The following LYPD6B variants were observed in gnomAD, a reference collection of about 807,000 sequenced individuals.
LYPD6B encodes the protein ly6/PLAUR domain-containing protein 6B.
Under a neutral mutation model 22.8 loss-of-function variants are expected in LYPD6B, and 17 were observed. The ratio of observed to expected loss-of-function variants is 0.75; its 90% CI spans 0.51 to 1.12. The LOEUF (loss-of-function observed/expected upper bound fraction) is 1.12. Among genes scored for constraint, LYPD6B ranks in the 50% most tolerant of loss-of-function variants. LYPD6B has a pLI of 0.00. For missense variants in LYPD6B, 221 were observed against 258.3 expected, an observed-to-expected ratio of 0.86 and a Z score of 0.99; for synonymous variants, 106 against 91.6, an observed-to-expected ratio of 1.16 and a Z score of -0.90.
At position 149,128,006 on chromosome 2, in the gene LYPD6B, A is replaced by T. The variant is rs527792036; in HGVS notation, c.-66-2877A>T. On this transcript the variant is annotated intron_variant, in intron 1 of 6. Coordinates refer to ENST00000409642, the MANE Select transcript of LYPD6B (RefSeq NM_177964.5). ...TAGGTAAATGATGATTTTTTTTTTT[A>T]AAAAAGAAACAAATTAGACCCCATA... Among the ~76,000 whole-genome samples the T allele has an allele frequency of 3.8e-3, 572 of 151,616 alleles. 3 individuals are homozygous for T. The highest frequency in any genetic ancestry group is 0.012 in the African/African-American group (506 of 41,376).
intron 1 of LYPD6B, among the ~76,000 whole-genome samples, chr2:149,099,791 A>C (rs1427111184): frequency 6.6e-6 from 1 of 152,202 alleles, no homozygotes; most frequent in Admixed American, 6.5e-5. Flanking sequence ...TAGAACTAGC[A>C]CTTAAGGTGA....
chr2:149,133,841 A>G lies in LYPD6B; in HGVS notation c.5+2888A>G, dbSNP rs563040524. On this transcript the variant is annotated intron_variant, in intron 2 of 6. Coordinates refer to ENST00000409642, the MANE Select transcript of LYPD6B (RefSeq NM_177964.5). ...GAAATAAAGAAAATCCATTTAGCAA[A>G]TATTTATTGAATGCCTTCTTGGTGC... 7.2e-5 allele frequency among the ~76,000 whole-genome samples: 11 copies of G among 152,314 alleles called. No homozygotes were observed. In the East Asian group the frequency reaches 1.9e-3, roughly 27 times the overall value.
chr2:149,077,771 G>T (rs565334380), intron 1 of LYPD6B, among the ~76,000 whole-genome samples: 29 of 152,280 alleles, frequency 1.9e-4, no homozygotes, highest in Non-Finnish European at 3.2e-4. Context: ...GAAGTGCTGG[G>T]CATCTTTTTA....
chr2:149,121,950 A>G (rs11888103), intron 1 of LYPD6B, among the ~76,000 whole-genome samples: 15,886 of 152,226 alleles, frequency 0.1, 2,357 homozygotes, highest in African/African-American at 0.31. Flanking sequence ...AGCAAGGCCA[A>G]TAATGGATCC....
At chr2:149,125,376 T>G (rs575795191) in intron 1 of LYPD6B, among the ~76,000 whole-genome samples, 2 of 151,822 alleles carry the variant, frequency 1.3e-5, no homozygotes, top group African/African-American at 2.4e-5. Context: ...TCCTGGAGGG[T>G]TTTTCTTTGC....
chr2:149,097,772 A>G (rs1284954772), intron 1 of LYPD6B, among the ~76,000 whole-genome samples: 3 of 152,230 alleles, frequency 2.0e-5, no homozygotes, highest in Admixed American at 2.0e-4. Flanking sequence ...AAAATCTTAA[A>G]TACATTCAAT....
intron 1 of LYPD6B, among the ~76,000 whole-genome samples, chr2:149,093,370 G>C (rs1685757534): frequency 3.9e-5 from 6 of 152,108 alleles, no homozygotes; most frequent in Admixed American, 1.3e-4. Flanking sequence ...AATAGGCCCT[G>C]GTCTAAAGGG....
chr2:149,092,420 T>A (rs1279543512), intron 1 of LYPD6B, among the ~76,000 whole-genome samples: 1 of 152,174 alleles, frequency 6.6e-6, no homozygotes, highest in African/African-American at 2.4e-5. Context: ...GACTAGGCGA[T>A]CTTTATAAAA....
chr2:149,201,471 T>G (rs1170448260), intron 3 of LYPD6B, among the ~76,000 whole-genome samples: 1 of 152,222 alleles, frequency 6.6e-6, no homozygotes, highest in Non-Finnish European at 1.5e-5. Flanking sequence ...AATTTTTAGT[T>G]CAGAGTCTCT....
intron 5 of LYPD6B, among the ~76,000 whole-genome samples, chr2:149,210,668 A>G (rs1693787601): frequency 6.6e-6 from 1 of 152,144 alleles, no homozygotes; most frequent in African/African-American, 2.4e-5. Context: ...CAAGAATGAC[A>G]TTTCTTGTTT....
chr2:149,113,583 G>A (rs1686863337), intron 1 of LYPD6B, among the ~76,000 whole-genome samples: 1 of 152,144 alleles, frequency 6.6e-6, no homozygotes, highest in South Asian at 2.1e-4. Context: ...ATTGCAATCT[G>A]TAAGGCACTA....
intron 5 of LYPD6B, among the ~76,000 whole-genome samples, chr2:149,211,564 GT>G (rs909953607): frequency 1.3e-5 from 2 of 151,462 alleles, no homozygotes; most frequent in Non-Finnish European, 2.9e-5. Context: ...GTTTGCTACT[GT>G]TTGTATTATG....
intron 3 of LYPD6B, among the ~76,000 whole-genome samples, chr2:149,162,404 C>G (rs553634879): frequency 6.6e-6 from 1 of 152,150 alleles, no homozygotes; most frequent in Non-Finnish European, 1.5e-5. Flanking sequence ...GTTAGACAAG[C>G]TAAAAGGTGG....
At chr2:149,124,730 C>T (rs1488711455) in intron 1 of LYPD6B, among the ~76,000 whole-genome samples, 2 of 151,974 alleles carry the variant, frequency 1.3e-5, no homozygotes, top group Non-Finnish European at 2.9e-5. Flanking sequence ...TTTTTTTCCC[C>T]GGCCAACAGA....
intron 1 of LYPD6B, among the ~76,000 whole-genome samples, chr2:149,114,844 A>G (rs1686924647): frequency 6.6e-6 from 1 of 152,248 alleles, no homozygotes; most frequent in Non-Finnish European, 1.5e-5. Context: ...GACTACAGAT[A>G]TCAGTGATCC....
intron 1 of LYPD6B, among the ~76,000 whole-genome samples, chr2:149,039,515 A>G (rs1433381180): frequency 1.3e-5 from 2 of 152,216 alleles, no homozygotes; most frequent in African/African-American, 4.8e-5. Flanking sequence ...CTAGAATGCT[A>G]TTTAAATTCC....
intron 3 of LYPD6B, among the ~76,000 whole-genome samples, chr2:149,195,580 G>A (rs1407814782): frequency 1.3e-5 from 2 of 152,076 alleles, no homozygotes; most frequent in African/African-American, 2.4e-5. Flanking sequence ...CTTAAAATTG[G>A]TCTTCAGAGG....
intron 1 of LYPD6B, among the ~76,000 whole-genome samples, chr2:149,081,914 A>G (rs1313984442): frequency 1.3e-5 from 2 of 152,154 alleles, no homozygotes; most frequent in Non-Finnish European, 2.9e-5. Flanking sequence ...GTGAGAGTTC[A>G]TTTATCCCAA....
intron 3 of LYPD6B, among the ~76,000 whole-genome samples, chr2:149,195,219 A>G (rs1199267603): frequency 6.6e-6 from 1 of 152,188 alleles, no homozygotes; most frequent in African/African-American, 2.4e-5. Context: ...TCTCTGCCCA[A>G]CCCATTGCTA....
Sources: gnomAD v4.1 joint callset for allele counts (sites outside exome capture counted in the v4.1 genomes callset) on GRCh38, gnomAD v4.1.1 for gene constraint, MANE v1.5 for transcripts, NCBI Gene and HGNC (gene_info 2026-07-23, HGNC 2026-07-21) for gene names.